Variants in PPARG observed in about 807,000 individuals in gnomAD.
The protein encoded by PPARG is peroxisome proliferator-activated receptor gamma.
In PPARG, 17 loss-of-function variants were observed where a neutral mutation model predicts 39.2. The ratio of observed to expected loss-of-function variants is 0.43; its 90% CI spans 0.30 to 0.65. The LOEUF is 0.65. Among genes scored for constraint, PPARG ranks in the 30% least tolerant of loss-of-function variants. The pLI, the probability that PPARG is intolerant of heterozygous loss-of-function variation, is 0.13. For synonymous variants in PPARG, 223 were observed against 215.7 expected (o/e 1.03, Z -0.30); for missense variants, 406 against 585.9 (o/e 0.69, Z 3.17).
chr3:12,422,105 T>C (rs1038095885), intron 7 of PPARG, among the ~76,000 whole-genome samples: 2 of 152,206 alleles, frequency 1.3e-5, no homozygotes, highest in African/African-American at 4.8e-5. Flanking sequence ...TTTTTAAAAA[T>C]TTGTTGGAAT....
intron 7 of PPARG, 140 bp downstream of exon 7, chr3:12,417,294 G>C: frequency 2.3e-6 from 2 of 881,466 alleles, no homozygotes; most frequent in South Asian, 2.9e-5. Context: ...ATCACTACAC[G>C]TGCAAAACAC....
At chr3:12,300,483 A>C (rs1015576142) in intron 1 of PPARG, among the ~76,000 whole-genome samples, 1 of 152,056 alleles carries the variant, frequency 6.6e-6, no homozygotes, top group East Asian at 1.9e-4. Context: ...AGCCACAGTT[A>C]ATTTCTTTTT....
intron 2 of PPARG, among the ~76,000 whole-genome samples, chr3:12,367,329 G>T (rs1244314548): frequency 5.9e-5 from 9 of 152,262 alleles, no homozygotes; most frequent in African/African-American, 1.9e-4. Flanking sequence ...GTCCTAATCA[G>T]ATTATTAGTA....
In PPARG at chr3:12,327,510, T is replaced by C. The variant is rs1337940665; in HGVS notation, c.-9+15057T>C. Reference sequence around the variant, plus strand: ...ACCCTGAGAAAAACTAGAGACATAGTCTAGTTGGCAGGTTTTTTGAAGAGA... The same window carrying C: ...ACCCTGAGAAAAACTAGAGACATAGCCTAGTTGGCAGGTTTTTTGAAGAGA... On this transcript the variant is annotated intron_variant, in intron 2 of 7. Coordinates refer to ENST00000651735, the MANE Select transcript of PPARG (RefSeq NM_138711.6). 2.0e-5 allele frequency among the ~76,000 whole-genome samples: 3 copies of C among 152,104 alleles called. No individual in the cohort carries two copies. The East Asian group carries it at 5.8e-4, about 29-fold the overall frequency.
intron 4 of PPARG, among the ~76,000 whole-genome samples, chr3:12,383,992 A>G (rs569832407): frequency 1.2e-3 from 186 of 152,184 alleles, no homozygotes; most frequent in African/African-American, 4.2e-3. Flanking sequence ...GCAAACATAG[A>G]AGAAAACTAA....
At chr3:12,393,251 C>T (rs373041954) in intron 5 of PPARG, among the ~76,000 whole-genome samples, 1 of 132,654 alleles carries the variant, frequency 7.5e-6, no homozygotes, top group African/African-American at 2.8e-5. Context: ...TCGTTTCCTT[C>T]ACTTCAAGGA....
At chr3:12,287,918 C>T (rs1023567904), upstream of PPARG, 1 of 145,546 alleles carries the variant, frequency 6.9e-6, no homozygotes, top group African/African-American at 2.5e-5. Flanking sequence ...GCAGGCGGGG[C>T]CCAGCGCACT....
chr3:12,349,148 T>C (rs772961156), intron 2 of PPARG, among the ~76,000 whole-genome samples: 1 of 152,186 alleles, frequency 6.6e-6, no homozygotes, highest in Admixed American at 6.5e-5. Flanking sequence ...TAGTTACATG[T>C]GAACTCATTA....
At chr3:12,411,755 A>G (rs1005607262) in intron 6 of PPARG, among the ~76,000 whole-genome samples, 1 of 152,092 alleles carries the variant, frequency 6.6e-6, no homozygotes, top group Admixed American at 6.6e-5. Context: ...ATAGTTCTCA[A>G]CAAGAGGGAA....
At chr3:12,412,829 A>C (rs1475817683) in intron 6 of PPARG, among the ~76,000 whole-genome samples, 2 of 152,168 alleles carry the variant, frequency 1.3e-5, no homozygotes. Context: ...AATTCACCCC[A>C]TCATGTCCCA....
chr3:12,376,645 A>G (rs112825164), intron 2 of PPARG, among the ~76,000 whole-genome samples: 49 of 152,288 alleles, frequency 3.2e-4, no homozygotes, highest in Non-Finnish European at 5.3e-4. Context: ...TAAAGTGGGA[A>G]TAATATTTCA....
chr3:12,410,631 TTTATAA>T (rs1160727152), intron 6 of PPARG, among the ~76,000 whole-genome samples: 4 of 152,246 alleles, frequency 2.6e-5, no homozygotes, highest in Non-Finnish European at 5.9e-5. Context: ...AGTCACTGTA[TTTATAA>T]TTATAAGAGC....
intron 2 of PPARG, among the ~76,000 whole-genome samples, chr3:12,331,956 G>C (rs2047874586): frequency 6.6e-6 from 1 of 152,194 alleles, no homozygotes; most frequent in African/African-American, 2.4e-5. Context: ...TCTATGTAGT[G>C]TCAAGGTTCA....
At chr3:12,387,524 GA>G (rs1417723874) in intron 4 of PPARG, among the ~76,000 whole-genome samples, 1 of 152,106 alleles carries the variant, frequency 6.6e-6, no homozygotes, top group African/African-American at 2.4e-5. Flanking sequence ...GTCTTCTTTT[GA>G]GAAGTGTCTG....
intron 6 of PPARG, among the ~76,000 whole-genome samples, chr3:12,413,122 A>T (rs114451007): frequency 0.01 from 1,590 of 152,342 alleles, 19 homozygotes; most frequent in South Asian, 0.014. Context: ...ACCAAATGTC[A>T]TGTTAAATTA....
chr3:12,399,394 C>G (rs1358969086), intron 5 of PPARG: 1 of 456,302 alleles, frequency 2.2e-6, no homozygotes, highest in African/African-American at 2.0e-5. Context: ...CCTGCAGAAC[C>G]TCCAGCAGGC....
At chr3:12,379,120 T>C (rs1034259701) in intron 2 of PPARG, among the ~76,000 whole-genome samples, 7 of 151,882 alleles carry the variant, frequency 4.6e-5, no homozygotes, top group African/African-American at 1.7e-4. Flanking sequence ...GATTCTCCTG[T>C]CTCAGTCTCC....
At chr3:12,322,295 A>G (rs2047569267) in intron 2 of PPARG, among the ~76,000 whole-genome samples, 1 of 152,242 alleles carries the variant, frequency 6.6e-6, no homozygotes, top group African/African-American at 2.4e-5. Context: ...ATTGGCATTT[A>G]AATTTTTTGG....
rs191018871 is a variant in PPARG, at chr3:12,341,465, A to G, written c.-9+29012A>G. Among the ~76,000 whole-genome samples the G allele has an allele frequency of 1.5e-4, 23 of 152,334 alleles. No individual in the cohort carries two copies. In the East Asian group the frequency reaches 3.9e-3, roughly 26 times the overall value. ...TCCTTTCTTGTAGGAACTGTATTTC[A>G]GGGTAATTACATGGCTTTAGTTGCT... On this transcript the variant is annotated intron_variant, in intron 2 of 7. Coordinates refer to ENST00000651735, the MANE Select transcript of PPARG (RefSeq NM_138711.6).
Sources: allele counts gnomAD v4.1 joint callset (sites outside exome capture counted in the v4.1 genomes callset), GRCh38; gene constraint gnomAD v4.1.1; transcripts MANE v1.5; gene names NCBI Gene and HGNC (gene_info 2026-07-23, HGNC 2026-07-21).